The following SNX25 variants were observed in gnomAD, a reference collection of about 807,000 sequenced individuals.
SNX25 encodes the protein sorting nexin 25.
Under a neutral mutation model 113.7 loss-of-function variants are expected in SNX25, and 62 were observed. The observed-to-expected ratio is 0.55, with a 90% CI of 0.44 to 0.67. SNX25 has a LOEUF of 0.67. Ranked by LOEUF, SNX25 falls within the 30% of genes least tolerant of loss-of-function variation. The pLI is 0.00. For synonymous variants in SNX25, 421 were observed against 436.2 expected (o/e 0.97, Z 0.43); for missense variants, 1,014 against 1,161.0 (o/e 0.87, Z 1.84).
rs1204316341 is a variant in SNX25 at position 185,291,961 on chromosome 4, A to G, written c.1162+3879A>G. On this transcript the variant is annotated intron_variant, in intron 6 of 18. Transcript: ENST00000652585. ...ACTGGTAAGTTCAAGTATAGCATTT[A>G]GTTCCCTTTTTTGTGTGTGTGAAAA... is the stretch of plus-strand genomic sequence containing the variant. Among the ~76,000 whole-genome samples the G allele has an allele frequency of 1.5e-4, 23 of 152,172 alleles. 1 individual carries two copies. Among genetic ancestry groups the G allele is most frequent in the Admixed American group, 1.5e-3 (23 of 15,270 alleles).
At position 185,331,290 on chromosome 4, in the gene SNX25, C is replaced by G. The variant is rs141127513; in HGVS notation, c.1750-1305C>G. On this transcript the variant is annotated intron_variant, in intron 9 of 18. Coordinates refer to ENST00000652585, the MANE Select transcript of SNX25 (RefSeq NM_001378034.2). ...TTACAGGAGCATCATTAGGAATGCGCCTCATAAATTCTCAATGCCATTGTT... is the reference window on the plus strand; with the variant it reads ...TTACAGGAGCATCATTAGGAATGCGGCTCATAAATTCTCAATGCCATTGTT... Among the ~76,000 whole-genome samples, 32 of 152,268 alleles carry G rather than the reference C, an allele frequency of 2.1e-4. 1 individual carries two copies. Among genetic ancestry groups the G allele is most frequent in the Admixed American group, 1.4e-3 (22 of 15,296 alleles).
intron 1 of SNX25, among the ~76,000 whole-genome samples, chr4:185,227,839 G>GT (rs1560908867): frequency 6.6e-6 from 1 of 152,182 alleles, no homozygotes; most frequent in African/African-American, 2.4e-5. Flanking sequence ...CAGTGTACAC[G>GT]TGACAGTTAA....
chr4:185,207,469 C>T (rs567500951), upstream of SNX25, among the ~76,000 whole-genome samples: 3 of 152,192 alleles, frequency 2.0e-5, no homozygotes, highest in South Asian at 2.1e-4. Context: ...CCAGCCACCT[C>T]GGCTTCCCAA....
chr4:185,224,548 C>A (rs202147817), intron 1 of SNX25, among the ~76,000 whole-genome samples: 13,277 of 66,838 alleles, frequency 0.2, 787 homozygotes, highest in Non-Finnish European at 0.26. Context: ...AATATATATA[C>A]ATATATATAA....
intron 13 of SNX25, among the ~76,000 whole-genome samples, chr4:185,349,266 G>A (rs888792339): frequency 1.1e-4 from 16 of 152,166 alleles, no homozygotes; most frequent in Non-Finnish European, 1.3e-4. Flanking sequence ...GCTGTGGGTT[G>A]GACAAGCTTG....
At chr4:185,369,777 C>T (rs2095408692) in exon 12 of SNX25, 3 of 445,588 alleles carry the variant, frequency 6.7e-6, no homozygotes. Context: ...GCTTCTGTCT[C>T]CTAGAGACCA....
chr4:185,295,883 C>A (rs1752770443), intron 6 of SNX25: 1 of 152,134 alleles, frequency 6.6e-6, no homozygotes, highest in Non-Finnish European at 1.5e-5. Flanking sequence ...CTCTCTGAAA[C>A]CTTAAGGGGT....
At chr4:185,261,452 C>CAGTG (rs1478021505) in intron 3 of SNX25, among the ~76,000 whole-genome samples, 1 of 152,158 alleles carries the variant, frequency 6.6e-6, no homozygotes, top group Non-Finnish European at 1.5e-5. Flanking sequence ...GCTGGGATTA[C>CAGTG]AGTGAGCCAC....
rs532274103 is a variant in SNX25 at position 185,301,203 on chromosome 4, ACATTTCAACACAGTTGTCTTCGGT to A, written c.1163-9428_1163-9405del. ...TAGATCACACCCCTTTTGTCCAATC[ACATTTCAACACAGTTGTCTTCGGT>A]CATGCCTATCCATTGAAGCCTCCAT... On this transcript the variant is annotated intron_variant, in intron 6 of 18. Transcript: ENST00000652585. 8.7e-3 allele frequency among the ~76,000 whole-genome samples: 1,330 copies of A among 152,226 alleles called. 14 individuals carry two copies. Among genetic ancestry groups the A allele is most frequent in the African/African-American group, 0.03 (1,266 of 41,526 alleles).
Position 185,232,966 on chromosome 4 carries a change from C to T in SNX25, c.430-14328C>T, listed in dbSNP as rs181008479. Among the ~76,000 whole-genome samples, 3 of 152,020 alleles carry T rather than the reference C, an allele frequency of 2.0e-5. No homozygotes were observed. Among genetic ancestry groups the T allele is most frequent in the Non-Finnish European group, 4.4e-5 (3 of 68,002 alleles). Reference sequence around the variant, plus strand: ...ATGGTGGTATGGCTCATTAGCTACCCGATTATGAGTTTCCATCAAAAATAA... The same window carrying T: ...ATGGTGGTATGGCTCATTAGCTACCTGATTATGAGTTTCCATCAAAAATAA... On this transcript the variant is annotated intron_variant, in intron 1 of 18. Transcript: ENST00000652585. This position sits in a 1 kb window ranked among gnomAD's most constrained non-coding sequence, Gnocchi z 4.4.
chr4:185,317,137 ACC>A (rs2095080788), intron 7 of SNX25, among the ~76,000 whole-genome samples: 1 of 152,152 alleles, frequency 6.6e-6, no homozygotes, highest in South Asian at 2.1e-4. Flanking sequence ...GAAAAAAACA[ACC>A]CCATCAAAAA....
intron 12 of SNX25, among the ~76,000 whole-genome samples, chr4:185,345,976 G>T (rs1311360788): frequency 6.6e-6 from 1 of 152,002 alleles, no homozygotes; most frequent in Non-Finnish European, 1.5e-5. Context: ...TCCTGCCTCA[G>T]CCTCCCCAGT....
intron 6 of SNX25, among the ~76,000 whole-genome samples, chr4:185,296,926 A>C (rs1752913643): frequency 6.6e-6 from 1 of 152,166 alleles, no homozygotes; most frequent in Non-Finnish European, 1.5e-5. Flanking sequence ...TAACTGGCTA[A>C]TTTCAATGGG....
At chr4:185,211,466 CCTCTT>C (rs1737786906) in intron 1 of SNX25, among the ~76,000 whole-genome samples, 1 of 152,044 alleles carries the variant, frequency 6.6e-6, no homozygotes, top group East Asian at 1.9e-4. Context: ...ATATGTCTCT[CCTCTT>C]TTTTTCTACC....
chr4:185,361,643 C>A (rs1213438992), intron 16 of SNX25, among the ~76,000 whole-genome samples: 1 of 152,082 alleles, frequency 6.6e-6, no homozygotes, highest in Non-Finnish European at 1.5e-5. Context: ...GAAGCTGAGG[C>A]AGGAGAATCA....
chr4:185,321,320 T>C (rs1346304181), intron 8 of SNX25, among the ~76,000 whole-genome samples: 1 of 151,126 alleles, frequency 6.6e-6, no homozygotes, highest in East Asian at 1.9e-4. Context: ...TGGAGTGCAG[T>C]GGGGCGATCT....
intron 2 of SNX25, among the ~76,000 whole-genome samples, chr4:185,248,834 T>G (rs1352475915): frequency 6.6e-6 from 1 of 152,156 alleles, no homozygotes; most frequent in Non-Finnish European, 1.5e-5. Flanking sequence ...CATGCTCCCC[T>G]TTGATCAACA....
chr4:185,343,694 T>C (rs2095271293), intron 12 of SNX25, among the ~76,000 whole-genome samples: 1 of 152,230 alleles, frequency 6.6e-6, no homozygotes, highest in South Asian at 2.1e-4. Flanking sequence ...TTGCCTTTTT[T>C]CCCCAGCAGT....
At chr4:185,243,969 A>G (rs919860572) in intron 1 of SNX25, among the ~76,000 whole-genome samples, 1 of 152,188 alleles carries the variant, frequency 6.6e-6, no homozygotes, top group Non-Finnish European at 1.5e-5. Context: ...GGCAGTTTCC[A>G]TTTTAAGAAC....
Sources: allele counts gnomAD v4.1 joint callset (sites outside exome capture counted in the v4.1 genomes callset), GRCh38; gene constraint gnomAD v4.1.1; non-coding constraint Gnocchi (gnomAD v3.1); transcripts MANE v1.5; gene names NCBI Gene and HGNC (gene_info 2026-07-23, HGNC 2026-07-21).